The following NTRK1 variants were observed in gnomAD, a reference collection of about 807,000 sequenced individuals.
The protein encoded by NTRK1 is neurotrophic receptor tyrosine kinase 1, also known as high affinity nerve growth factor receptor.
NTRK1 carries 62 observed loss-of-function variants against 86.8 expected under a neutral mutation model. The observed-to-expected ratio is 0.71, with a 90% CI of 0.58 to 0.88. NTRK1 has a LOEUF of 0.88. NTRK1 is among the 40% of genes least tolerant of loss of function. The pLI, the probability that NTRK1 is intolerant of heterozygous loss-of-function variation, is 0.00. For missense variants in NTRK1, 967 were observed against 1,078.4 expected, an observed-to-expected ratio of 0.90 and a Z score of 1.45; for synonymous variants, 469 against 456.6, an observed-to-expected ratio of 1.03 and a Z score of -0.35.
chr1:156,850,375 C>T lies in NTRK1; in HGVS notation c.50+8182C>T, dbSNP rs1172405493. 4.0e-5 allele frequency among the ~76,000 whole-genome samples: 6 copies of T among 151,500 alleles called. No homozygotes were observed. The South Asian group carries it at 6.3e-4, about 16-fold the overall frequency. On this transcript the variant is annotated intron_variant, in intron 2 of 16. Transcript: ENST00000392302. ...TACAGGTGCCCACCACCACACCTGG[C>T]TAATTTTTGTATTTTTAGTAGAGAT...
At chr1:156,872,736 C>T (rs973581638) in intron 7 of NTRK1, among the ~76,000 whole-genome samples, 15 of 146,922 alleles carry the variant, frequency 1.0e-4, no homozygotes, top group Non-Finnish European at 1.6e-4. Flanking sequence ...AGTGCAGTGG[C>T]GCGCTCTCGG....
intron 5 of NTRK1, 82 bp downstream of exon 5, chr1:156,868,331 C>T: frequency 1.3e-6 from 2 of 1,569,098 alleles, no homozygotes; most frequent in Admixed American, 1.8e-5. Context: ...TGAGCAAGCA[C>T]TGAAAAGGCC....
rs566770408 is a variant in NTRK1, at chr1:156,846,489, G to A, written c.50+4296G>A. 9 of 1,562,062 alleles carry A rather than the reference G, an allele frequency of 5.8e-6. No homozygotes were observed. In the South Asian group the frequency reaches 7.8e-5, roughly 14 times the overall value. The stretch of plus-strand genomic sequence containing the variant: ...CCTGTTCTCATGGATGCAGGCGTCT[G>A]ACTGACTCTTGCACCCTCCAAATGC... On this transcript the variant is annotated intron_variant, in intron 2 of 16. Transcript: ENST00000392302.
At chr1:156,863,204 ATTC>A (rs1655760857) in intron 1 of NTRK1, among the ~76,000 whole-genome samples, 1 of 151,892 alleles carries the variant, frequency 6.6e-6, no homozygotes, top group East Asian at 1.9e-4. Flanking sequence ...ATGCCTACTC[ATTC>A]TTCTTTCTTT....
intron 3 of NTRK1, 178 bp downstream of exon 3, chr1:156,864,977 C>A (rs1240470877): frequency 3.0e-6 from 2 of 674,384 alleles, no homozygotes; most frequent in Non-Finnish European, 5.4e-6. Context: ...CATGCTCTCG[C>A]CCCTGACAGC....
At position 156,876,128 on chromosome 1, in the gene NTRK1, G is replaced by A. The variant is rs606231467; in HGVS notation, c.1550G>A (p.Gly517Glu). The A allele has an allele frequency of 1.1e-5, 18 of 1,614,062 alleles. No homozygotes were observed. The highest frequency in any genetic ancestry group is 1.4e-5 in the Non-Finnish European group (17 of 1,180,042). The change falls in exon 13 of 17, where the codon GGG becomes GAG. Residue 517 changes from glycine to glutamate, a missense_variant. By Grantham distance (98) the Gly-to-Glu change is moderately conservative. Around this residue, in one of 2 missense-constraint regions of NTRK1, gnomAD observed 637 missense variants for 776.5 expected, o/e 0.82. Transcript: ENST00000524377. ...GACATCGTGCTCAAGTGGGAGCTGGGGGAGGGCGCCTTTGGGAAGGTCTTC... is the reference window on the plus strand; with the variant it reads ...GACATCGTGCTCAAGTGGGAGCTGGAGGAGGGCGCCTTTGGGAAGGTCTTC... ...RRDIVLKWEL[G>E]EGAFGKVFLA... is the part of the protein sequence containing the mutation.
upstream of NTRK1, among the ~76,000 whole-genome samples, chr1:156,856,172 G>A (rs1302805103): frequency 6.6e-6 from 1 of 152,072 alleles, no homozygotes; most frequent in Non-Finnish European, 1.5e-5. Context: ...TTTATTTATA[G>A]AAATAGATAT....
At chr1:156,873,568 G>C (rs1467925018) in intron 7 of NTRK1, 65 bp from the exon 8 acceptor site, 1 of 1,402,030 alleles carries the variant, frequency 7.1e-7, no homozygotes, top group Non-Finnish European at 9.9e-7. Flanking sequence ...TGGACTTGTC[G>C]GGTGTGTGCC....
chr1:156,853,731 A>G, intron 2 of NTRK1: 1 of 1,581,284 alleles, frequency 6.3e-7, no homozygotes, highest in South Asian at 1.1e-5. Flanking sequence ...CCCTACATTC[A>G]TGTTCTGTGC....
At chr1:156,833,106 G>C (rs1654506608) in intron 1 of NTRK1, among the ~76,000 whole-genome samples, 1 of 152,250 alleles carries the variant, frequency 6.6e-6, no homozygotes, top group Non-Finnish European at 1.5e-5. Flanking sequence ...GCATGATATA[G>C]TGGAAAATAG....
chr1:156,840,723 C>G lies in NTRK1; in HGVS notation c.-63-1358C>G, dbSNP rs1281130671. On this transcript the variant is annotated intron_variant, in intron 1 of 16. Coordinates refer to the NTRK1 transcript ENST00000392302. ...ATGGTGAGACCCCTCTGCCCACCCCCACAGCCTTCCCTGCTCCTGTTCTCT... is the reference window on the plus strand; with the variant it reads ...ATGGTGAGACCCCTCTGCCCACCCCGACAGCCTTCCCTGCTCCTGTTCTCT... 2.0e-4 allele frequency: 134 copies of G among 662,950 alleles called. 1 individual carries two copies. The highest frequency in any genetic ancestry group is 8.0e-6 in the Non-Finnish European group (3 of 373,856). The allele number at this position is 662,950 out of a possible 1,614,324, so 41.1% of individuals were successfully genotyped here.
intron 2 of NTRK1, chr1:156,846,716 CAAG>C (rs1360978249): frequency 1.7e-5 from 27 of 1,614,012 alleles, no homozygotes; most frequent in Non-Finnish European, 2.1e-5. Flanking sequence ...CTGGGTTCCA[CAAG>C]CATCTGGACC....
intron 1 of NTRK1, among the ~76,000 whole-genome samples, chr1:156,818,878 G>C (rs898683198): frequency 1.2e-4 from 18 of 152,018 alleles, no homozygotes; most frequent in African/African-American, 4.3e-4. Context: ...TTCTACTTTT[G>C]TTTTTTTAAG....
chr1:156,845,930 C>T (rs1654990182), intron 2 of NTRK1: 1 of 1,606,826 alleles, frequency 6.2e-7, no homozygotes, highest in South Asian at 1.1e-5. Flanking sequence ...CCGCGGCCGG[C>T]CTGCGCGTCG....
chr1:156,842,317 G>A, intron 2 of NTRK1: 1 of 1,613,620 alleles, frequency 6.2e-7, no homozygotes, highest in Non-Finnish European at 8.5e-7. Context: ...CCAGAGGCTG[G>A]TCTCCTGTCC....
chr1:156,871,508 C>T, intron 6 of NTRK1, 115 bp from the exon 7 acceptor site: 1 of 1,184,724 alleles, frequency 8.4e-7, no homozygotes, highest in Non-Finnish European at 1.2e-6. Context: ...CTTCTCTTCC[C>T]TCCCAGCCCT....
At chr1:156,847,390 G>T (rs892516684) in intron 2 of NTRK1, among the ~76,000 whole-genome samples, 4 of 152,238 alleles carry the variant, frequency 2.6e-5, no homozygotes, top group Middle Eastern at 3.2e-3. Context: ...GCTTGGGGAA[G>T]CATCACTGGC....
Position 156,848,073 on chromosome 1 carries a change from C to T in NTRK1, c.50+5880C>T, listed in dbSNP as rs115594142. Among the ~76,000 whole-genome samples, 1,277 of 152,080 alleles carry T rather than the reference C, an allele frequency of 8.4e-3. 20 individuals are homozygous for T. Among genetic ancestry groups the T allele is most frequent in the African/African-American group, 0.029 (1,221 of 41,436 alleles). ...TAACTGAATCAGAATCAGTGGGGGG[C>T]GAGGCCCAGGAATCTGTATTTAACA... On this transcript the variant is annotated intron_variant, in intron 2 of 16. Transcript: ENST00000392302.
intron 6 of NTRK1, among the ~76,000 whole-genome samples, chr1:156,869,461 G>T (rs1647414806): frequency 6.6e-6 from 1 of 152,106 alleles, no homozygotes; most frequent in Admixed American, 6.6e-5. Context: ...GTTCTCGGGG[G>T]TATCGTGGTC....
Sources: allele counts gnomAD v4.1 joint callset (sites outside exome capture counted in the v4.1 genomes callset), GRCh38; gene constraint gnomAD v4.1.1; regional missense constraint gnomAD v4.1.1; transcripts MANE v1.5; gene names NCBI Gene and HGNC (gene_info 2026-07-23, HGNC 2026-07-21).